EIF4G3: variants seen among roughly 807,000 people sequenced by gnomAD.
The protein encoded by EIF4G3 is eIF-4-gamma 3.
In EIF4G3, 34 loss-of-function variants were observed where a neutral mutation model predicts 186.4. The ratio of observed to expected loss-of-function variants is 0.18; its 90% CI spans 0.14 to 0.24. The LOEUF (loss-of-function observed/expected upper bound fraction) is 0.24, where lower values mean the gene tolerates loss of function less well. Ranked by LOEUF, EIF4G3 falls within the 10% of genes least tolerant of loss-of-function variation. EIF4G3 has a pLI of 1.00. For missense variants in EIF4G3, 1,536 were observed against 1,948.5 expected, an observed-to-expected ratio of 0.79 and a Z score of 3.99; for synonymous variants, 673 against 679.5, an observed-to-expected ratio of 0.99 and a Z score of 0.15.
chr1:20,865,084 T>C, intron 21 of EIF4G3, 32 bp downstream of exon 21: 2 of 1,613,450 alleles, frequency 1.2e-6, no homozygotes, highest in Non-Finnish European at 1.7e-6. Context: ...GCTCAAAGTG[T>C]ACAAGCACTG....
intron 2 of EIF4G3, among the ~76,000 whole-genome samples, chr1:21,164,067 C>T (rs983294750): frequency 2.0e-5 from 3 of 152,146 alleles, no homozygotes; most frequent in African/African-American, 4.8e-5. Context: ...AGCCACTGTG[C>T]CCAGCTCCAA....
At chr1:20,886,409 A>C in intron 18 of EIF4G3, 38 bp from the exon 19 acceptor site, 1 of 1,596,126 alleles carries the variant, frequency 6.3e-7, no homozygotes, top group Non-Finnish European at 8.5e-7. Flanking sequence ...GAGTACTTAC[A>C]ATTTATTGGC....
At chr1:20,831,769 C>A in intron 30 of EIF4G3, among the ~76,000 whole-genome samples, 1 of 134,088 alleles carries the variant, frequency 7.5e-6, no homozygotes, top group East Asian at 2.5e-4. Flanking sequence ...TCCCCCGACC[C>A]CACAACAGTC....
At chr1:21,096,132 T>C (rs1016714641) in intron 2 of EIF4G3, among the ~76,000 whole-genome samples, 3 of 152,276 alleles carry the variant, frequency 2.0e-5, no homozygotes, top group East Asian at 1.9e-4. Context: ...AGCAAAAATA[T>C]GGAATCAACC....
chr1:21,009,746 C>G lies in EIF4G3; in HGVS notation c.-66-6938G>C, dbSNP rs1007671923. Among the ~76,000 whole-genome samples, 3 of 152,022 alleles carry G rather than the reference C, an allele frequency of 2.0e-5. No individual in the cohort carries two copies. In the East Asian group the frequency reaches 5.8e-4, roughly 29 times the overall value. Reference sequence around the variant, plus strand: ...CTCGGCTCACTGCAACCTCCACCTCCCGGGTTCAAGGGATTCTTCTGCCTC... The same window carrying G: ...CTCGGCTCACTGCAACCTCCACCTCGCGGGTTCAAGGGATTCTTCTGCCTC... On this transcript the variant is annotated intron_variant, in intron 4 of 36. Transcript: ENST00000602326.
chr1:20,811,306 T>C (rs925206831), intron 35 of EIF4G3, among the ~76,000 whole-genome samples: 1 of 152,066 alleles, frequency 6.6e-6, no homozygotes, highest in Non-Finnish European at 1.5e-5. Context: ...AGAGACAGGG[T>C]CTCGCTATAT....
At chr1:21,123,919 AT>A (rs2096974338) in intron 2 of EIF4G3, among the ~76,000 whole-genome samples, 1 of 152,154 alleles carries the variant, frequency 6.6e-6, no homozygotes, top group Admixed American at 6.6e-5. Context: ...CTAGGGATCA[AT>A]TTAGGAGTTG....
intron 4 of EIF4G3, among the ~76,000 whole-genome samples, chr1:21,041,315 T>C (rs2093568970): frequency 6.6e-6 from 1 of 152,184 alleles, no homozygotes; most frequent in Admixed American, 6.5e-5. Flanking sequence ...CTCGAACTCT[T>C]GGGCTCAAGC....
intron 27 of EIF4G3, 70 bp from the exon 28 acceptor site, chr1:20,851,548 A>C (rs1166357655): frequency 3.5e-6 from 5 of 1,429,274 alleles, no homozygotes; most frequent in Non-Finnish European, 4.9e-6. Context: ...AAATTATAAA[A>C]TAACACTAAG....
chr1:21,023,856 C>T (rs1197928341), intron 4 of EIF4G3, among the ~76,000 whole-genome samples: 10 of 138,798 alleles, frequency 7.2e-5, no homozygotes, highest in Non-Finnish European at 1.1e-4. Context: ...AAGTGAGGAG[C>T]GTCTCTGCCC....
Position 21,176,860 on chromosome 1 carries a change from G to C in EIF4G3, c.-594C>G. On this transcript the variant is annotated 5_prime_UTR_variant, in exon 1 of 37. Transcript: ENST00000602326. ...ACTCAACGAGCAGAGCATCCAACAT[G>C]GCGCTGTGGCCGCCTCCAGCAGTCC... is the stretch of plus-strand genomic sequence containing the variant. 1.4e-6 allele frequency: 1 copy of C among 700,638 alleles called. No homozygotes were observed. The highest frequency in any genetic ancestry group is 2.6e-6 in the Non-Finnish European group (1 of 383,544). 43.4% of individuals were successfully genotyped at this position (700,638 alleles called of 1,614,324 possible).
intron 2 of EIF4G3, among the ~76,000 whole-genome samples, chr1:21,092,252 T>C (rs953227119): frequency 1.3e-5 from 2 of 152,210 alleles, no homozygotes; most frequent in African/African-American, 4.8e-5. Flanking sequence ...GAGATAATCA[T>C]GTGTTTTTGT....
Position 20,973,054 on chromosome 1 carries a change from A to G in EIF4G3, c.539T>C (p.Ile180Thr). Reference sequence around the variant, plus strand: ...CGGCTGTTGCTGCGTAGGCACTATGATAGGTGCTGACTGATACACCGGCTG... The same window carrying G: ...CGGCTGTTGCTGCGTAGGCACTATGGTAGGTGCTGACTGATACACCGGCTG... ...PSQPVYQSAP[I>T]IVPTQQQPPP... The change falls in exon 11 of 37, where the codon ATC becomes ACC. Residue 180 changes from isoleucine (I) to threonine (T), a missense_variant. Ile to Thr is a moderately conservative substitution (Grantham distance 89). Around this residue, in one of 11 missense-constraint regions of EIF4G3, gnomAD observed 194 missense variants for 212.8 expected, o/e 0.91. Transcript: ENST00000602326. The G allele has an allele frequency of 6.2e-7, 1 of 1,611,146 alleles. No homozygotes were observed. Among genetic ancestry groups the G allele is most frequent in the South Asian group, 1.1e-5 (1 of 89,988 alleles).
intron 10 of EIF4G3, among the ~76,000 whole-genome samples, chr1:20,974,424 G>T (rs1240906287): frequency 2.6e-5 from 4 of 152,136 alleles, no homozygotes; most frequent in Middle Eastern, 3.2e-3. Flanking sequence ...AAGAATGAGG[G>T]CTGTGCTTAA....
At chr1:20,918,792 G>A (rs1461026504) in intron 14 of EIF4G3, among the ~76,000 whole-genome samples, 2 of 138,114 alleles carry the variant, frequency 1.4e-5, no homozygotes, top group Non-Finnish European at 3.0e-5. Context: ...GTAATCCTCT[G>A]CCTCAGCCTC....
intron 10 of EIF4G3, among the ~76,000 whole-genome samples, chr1:20,975,875 C>T (rs982591763): frequency 1.6e-4 from 25 of 151,884 alleles, no homozygotes; most frequent in South Asian, 1.5e-3. Flanking sequence ...TATTGGAAGA[C>T]ACCCACGTAC....
At chr1:21,084,260 A>G (rs1160907601) in intron 3 of EIF4G3, among the ~76,000 whole-genome samples, 2 of 152,036 alleles carry the variant, frequency 1.3e-5, no homozygotes, top group East Asian at 3.9e-4. Flanking sequence ...AAGAAAAAAA[A>G]GAGGTTTAAC....
At chr1:20,903,183 T>C (rs2090976575) in intron 15 of EIF4G3, among the ~76,000 whole-genome samples, 1 of 152,214 alleles carries the variant, frequency 6.6e-6, no homozygotes, top group African/African-American at 2.4e-5. Context: ...TGTCCACCAA[T>C]AAAGTTTTGT....
At chr1:20,904,603 C>T (rs1298508594) in intron 15 of EIF4G3, among the ~76,000 whole-genome samples, 3 of 152,172 alleles carry the variant, frequency 2.0e-5, no homozygotes, top group Non-Finnish European at 4.4e-5. Flanking sequence ...CTGCCTTCAC[C>T]TCACAAAGTG....
Sources: allele counts gnomAD v4.1 joint callset (sites outside exome capture counted in the v4.1 genomes callset), GRCh38; gene constraint gnomAD v4.1.1; regional missense constraint gnomAD v4.1.1; transcripts MANE v1.5; gene names NCBI Gene and HGNC (gene_info 2026-07-23, HGNC 2026-07-21).